The following DPY30 variants were observed in gnomAD, a reference collection of about 807,000 sequenced individuals.
DPY30 encodes the protein dpy-30 histone methyltransferase complex regulatory subunit, also known as protein dpy-30 homolog.
A neutral mutation model predicts 16.2 loss-of-function variants in DPY30; 6 were observed. The observed-to-expected ratio is 0.37, with a 90% CI of 0.20 to 0.73. The LOEUF (loss-of-function observed/expected upper bound fraction) is 0.73, where lower values mean the gene tolerates loss of function less well. Ranked by LOEUF, DPY30 falls within the 30% of genes least tolerant of loss-of-function variation. The probability of loss-of-function intolerance (pLI) is 0.51; values close to 1 mark genes in which losing one functional copy is unlikely to be tolerated. For synonymous variants in DPY30, 39 were observed against 38.8 expected, an observed-to-expected ratio of 1.00 and a Z score of -0.02; for missense variants, 73 against 113.1, an observed-to-expected ratio of 0.65 and a Z score of 1.61.
chr2:32,023,525 G>A, downstream of DPY30: 1 of 487,316 alleles, frequency 2.1e-6, no homozygotes, highest in Non-Finnish European at 4.1e-6. Flanking sequence ...TTATATCAGA[G>A]ATCATTTAAG....
chr2:32,015,603 T>C (rs1427454735), intron 5 of DPY30, among the ~76,000 whole-genome samples: 1 of 151,854 alleles, frequency 6.6e-6, no homozygotes, highest in African/African-American at 2.4e-5. Flanking sequence ...ATCCCAAAAT[T>C]TGGGGAGGCC....
intron 3 of DPY30, among the ~76,000 whole-genome samples, chr2:32,031,655 G>C (rs1269668829): frequency 1.3e-5 from 2 of 151,788 alleles, no homozygotes; most frequent in Non-Finnish European, 2.9e-5. Flanking sequence ...AGCACTTTGA[G>C]AGGCCCAAGA....
At chr2:32,023,494 A>G, downstream of DPY30, 2 of 476,078 alleles carry the variant, frequency 4.2e-6, no homozygotes, top group Non-Finnish European at 8.6e-6. Flanking sequence ...GGGAATAATA[A>G]TATCTACTTT....
At chr2:32,018,192 T>A (rs556153811) in intron 5 of DPY30, among the ~76,000 whole-genome samples, 2 of 152,124 alleles carry the variant, frequency 1.3e-5, no homozygotes, top group South Asian at 2.1e-4. Context: ...AAAAAAAAAC[T>A]GTCAGAGGCA....
At chr2:32,020,551 C>G (rs1675157219), downstream of DPY30, among the ~76,000 whole-genome samples, 1 of 151,902 alleles carries the variant, frequency 6.6e-6, no homozygotes, top group African/African-American at 2.4e-5. Flanking sequence ...AAACCTACCC[C>G]AAATTTTGAG....
chr2:32,038,590 T>A, intron 3 of DPY30, among the ~76,000 whole-genome samples: 1 of 151,162 alleles, frequency 6.6e-6, no homozygotes. Flanking sequence ...AAATGTTGAC[T>A]CCACCAGCTC....
intron 4 of DPY30, among the ~76,000 whole-genome samples, chr2:32,029,168 A>G (rs2148661444): frequency 6.6e-6 from 1 of 152,142 alleles, no homozygotes; most frequent in Non-Finnish European, 1.5e-5. Flanking sequence ...GCTACCCGGG[A>G]GGCTGAGACA....
intron 3 of DPY30, among the ~76,000 whole-genome samples, chr2:32,034,719 C>T (rs1406318994): frequency 6.6e-6 from 1 of 152,184 alleles, no homozygotes; most frequent in Non-Finnish European, 1.5e-5. Context: ...TCATAATACG[C>T]TGGCCACGGT....
intron 3 of DPY30, 119 bp downstream of exon 3, chr2:32,039,160 A>T: frequency 8.5e-7 from 1 of 1,179,130 alleles, no homozygotes; most frequent in Non-Finnish European, 1.3e-6. Flanking sequence ...ACTTGATACT[A>T]TTCAGTTCAC....
chr2:32,012,419 C>CTTTTTTT (rs397984233), intron 5 of DPY30, among the ~76,000 whole-genome samples: 1,816 of 81,842 alleles, frequency 0.022, 36 homozygotes, highest in Non-Finnish European at 0.029. Flanking sequence ...TCTCTTTTTT[C>CTTTTTTT]TTTTTTTTTT....
chr2:32,011,892 A>T (rs899238946), downstream of DPY30: 3 of 152,066 alleles, frequency 2.0e-5, no homozygotes, highest in Admixed American at 1.3e-4. Flanking sequence ...GTTTCTATGA[A>T]TTTTTTATTT....
At chr2:32,035,500 G>C (rs1178388741) in intron 3 of DPY30, among the ~76,000 whole-genome samples, 1 of 150,618 alleles carries the variant, frequency 6.6e-6, no homozygotes, top group African/African-American at 2.4e-5. Flanking sequence ...TGAGGCAGGG[G>C]AATCACTTGA....
At position 32,039,439 on chromosome 2, in the gene DPY30, C is replaced by T; in HGVS notation, c.18G>A (p.Met6Ile). The T allele has an allele frequency of 6.2e-7, 1 of 1,613,994 alleles. No individual in the cohort carries two copies. Among genetic ancestry groups the T allele is most frequent in the Non-Finnish European group, 8.5e-7 (1 of 1,180,042 alleles). MEPEQ[M>I]LEGQTQVAEN... ...CTGATACCTGCGTTTGTCCCTCCAG[C>T]ATCTGCTCTGGCTCCATGGCGGACC... is the stretch of plus-strand genomic sequence containing the variant. Residue 6 changes from methionine to isoleucine, a missense_variant, in exon 2 of 5, where the codon ATG becomes ATA. Coordinates refer to ENST00000342166, the MANE Select transcript of DPY30 (RefSeq NM_001321209.2).
chr2:32,028,768 C>T (rs1169633876), intron 4 of DPY30, among the ~76,000 whole-genome samples: 1 of 151,452 alleles, frequency 6.6e-6, no homozygotes, highest in Admixed American at 6.6e-5. Context: ...TCCAGCCTGG[C>T]GACAGAGCGA....
downstream of DPY30, chr2:32,021,215 G>C (rs1675172778): frequency 6.6e-6 from 1 of 152,466 alleles, no homozygotes; most frequent in African/African-American, 2.4e-5. Flanking sequence ...GTTGCGGTGA[G>C]CCACTGCACT....
intron 5 of DPY30, among the ~76,000 whole-genome samples, chr2:32,017,176 C>T (rs550493039): frequency 6.6e-6 from 1 of 152,262 alleles, no homozygotes; most frequent in African/African-American, 2.4e-5. Context: ...AGCCACGGCG[C>T]CCGGCCATAT....
At chr2:32,034,514 G>T (rs1352702968) in intron 3 of DPY30, among the ~76,000 whole-genome samples, 1 of 152,146 alleles carries the variant, frequency 6.6e-6, no homozygotes, top group East Asian at 1.9e-4. Context: ...GATGGCACCA[G>T]GCCATTCATG....
At chr2:32,019,341 G>A (rs927702194), downstream of DPY30, among the ~76,000 whole-genome samples, 2 of 152,092 alleles carry the variant, frequency 1.3e-5, no homozygotes, top group Non-Finnish European at 2.9e-5. Context: ...ACACCTGAGA[G>A]GTAATAGGGT....
At chr2:32,039,661 G>C in intron 1 of DPY30, 72 bp downstream of exon 1, 1 of 626,146 alleles carries the variant, frequency 1.6e-6, no homozygotes, top group South Asian at 1.9e-5. Context: ...CGCCTACATG[G>C]GGTCTGGAAA....
Sources: gnomAD v4.1 joint callset for allele counts (sites outside exome capture counted in the v4.1 genomes callset) on GRCh38, gnomAD v4.1.1 for gene constraint, MANE v1.5 for transcripts, NCBI Gene and HGNC (gene_info 2026-07-23, HGNC 2026-07-21) for gene names.